ARMC10: variants seen among roughly 807,000 people sequenced by gnomAD.
ARMC10 encodes armadillo repeat-containing protein 10.
Under a neutral mutation model 30.2 loss-of-function variants are expected in ARMC10, and 23 were observed. The ratio of observed to expected loss-of-function variants is 0.76; its 90% CI spans 0.55 to 1.08. The LOEUF is 1.08. Ranked by LOEUF, ARMC10 falls within the 50% of genes least tolerant of loss-of-function variation. The pLI, the probability that ARMC10 is intolerant of heterozygous loss-of-function variation, is 0.00. For missense variants in ARMC10, 303 were observed against 413.7 expected (o/e 0.73, Z 2.32); for synonymous variants, 111 against 164.4 (o/e 0.68, Z 2.48).
chr7:103,075,543 T>C lies in ARMC10; in HGVS notation c.139+132T>C, dbSNP rs1437605875. On this transcript the variant is annotated intron_variant, in intron 1 of 6. Transcript: ENST00000323716. Reference sequence around the variant, plus strand: ...GAGGGAGAGGCAGTACTTGTGTGAGTGCAGGGTGCTGCGCCGCCCCCGCCG... The same window carrying C: ...GAGGGAGAGGCAGTACTTGTGTGAGCGCAGGGTGCTGCGCCGCCCCCGCCG... 5 of 1,066,092 alleles carry C rather than the reference T, an allele frequency of 4.7e-6. No individual in the cohort carries two copies. In the Admixed American group the frequency reaches 1.1e-4, roughly 24 times the overall value. The allele number at this position is 1,066,092 out of a possible 1,614,324, so 66.0% of individuals were successfully genotyped here. A position where few individuals can be genotyped will look rare whatever the true frequency, so the allele number is the denominator to read the frequency against.
chr7:103,087,138 A>G (rs1800930985), intron 4 of ARMC10, among the ~76,000 whole-genome samples: 1 of 152,226 alleles, frequency 6.6e-6, no homozygotes. Flanking sequence ...TTCAGGGAGC[A>G]TATCCGATGC....
At chr7:103,082,366 CTTAG>C (rs145030583) in intron 2 of ARMC10, among the ~76,000 whole-genome samples, 1,579 of 148,390 alleles carry the variant, frequency 0.011, 27 homozygotes, top group African/African-American at 0.036. Context: ...GAGCAATATA[CTTAG>C]TTATTTTAGT....
Position 103,083,702 on chromosome 7 carries a change from TATG to T in ARMC10, c.272_274del (p.Asp91del). On this transcript the variant is annotated inframe_deletion, in exon 3 of 7. Transcript: ENST00000323716. Reference sequence around the variant, plus strand: ...TGCAGAAGACTTAACTGATGGTTCATATGATGATGTTCTAAATGCTGAACAACT... The same window carrying T: ...TGCAGAAGACTTAACTGATGGTTCATATGATGTTCTAAATGCTGAACAACT... 1 of 1,612,992 alleles carries T rather than the reference TATG, an allele frequency of 6.2e-7. No individual in the cohort carries two copies. Among genetic ancestry groups the T allele is most frequent in the South Asian group, 1.1e-5 (1 of 91,056 alleles).
Position 103,099,419 on chromosome 7 carries a change from T to G in ARMC10, c.*866T>G. ...CCGGGAGGCAGAGGTTGCAGTGAGC[T>G]GAGATAGCGCCATTGCACTCCAGCC... On this transcript the variant is annotated 3_prime_UTR_variant, in exon 7 of 7. Transcript: ENST00000323716. 1 of 134,602 alleles carries G rather than the reference T, an allele frequency of 7.4e-6. No individual in the cohort carries two copies. Among genetic ancestry groups the G allele is most frequent in the Admixed American group, 8.0e-5 (1 of 12,470 alleles). 8.3% of individuals were successfully genotyped at this position (134,602 alleles called of 1,614,324 possible). A position where few individuals can be genotyped will look rare whatever the true frequency, so the allele number is the denominator to read the frequency against.
Position 103,075,896 on chromosome 7 carries a change from A to G in ARMC10, c.244+15A>G. 2 of 1,565,134 alleles carry G rather than the reference A, an allele frequency of 1.3e-6. No homozygotes were observed. The highest frequency in any genetic ancestry group is 1.7e-6 in the Non-Finnish European group (2 of 1,151,720). ...CTCGCAGCCTGGTGTGTGTTTTGGA[A>G]ATGGGAACAGTTGTCTGCGCGAGAC... On this transcript the variant is annotated intron_variant, in intron 2 of 6. Coordinates refer to ENST00000323716, the MANE Select transcript of ARMC10 (RefSeq NM_031905.5).
At chr7:103,083,637 C>G in intron 2 of ARMC10, 45 bp from the exon 3 acceptor site, 1 of 1,546,126 alleles carries the variant, frequency 6.5e-7, no homozygotes, top group South Asian at 1.1e-5. Context: ...AAAATAACCT[C>G]GTATTGATTT....
intron 2 of ARMC10, among the ~76,000 whole-genome samples, chr7:103,082,063 A>G (rs972128937): frequency 2.0e-5 from 3 of 152,054 alleles, no homozygotes; most frequent in Admixed American, 1.3e-4. Context: ...TTTCCGTTCT[A>G]AAAAGTTGTG....
At chr7:103,089,812 TTA>T (rs1384016701) in intron 4 of ARMC10, among the ~76,000 whole-genome samples, 1 of 152,166 alleles carries the variant, frequency 6.6e-6, no homozygotes, top group African/African-American at 2.4e-5. Flanking sequence ...TATTAGGAAA[TTA>T]TGTTATTTCA....
In ARMC10 at chr7:103,083,760, C is replaced by T. The variant is rs761785012; in HGVS notation, c.323C>T (p.Thr108Met). Reference protein sequence around the residue: ...LQKLLYLLESTEDPVIIERAL... With the variant: ...LQKLLYLLESMEDPVIIERAL... ...AAACTCCTTTACCTGCTGGAGTCAA[C>T]GGAGGATCCTGTAATTATTGAAAGA... Residue 108 changes from threonine (T) to methionine (M), a missense_variant, in exon 3 of 7, where the codon ACG (threonine) becomes ATG (methionine). Thr to Met is a moderately conservative substitution (Grantham distance 81). This residue lies in a region of ARMC10 where 170 missense variants were observed against 207.2 expected (regional missense o/e 0.82). Coordinates refer to ENST00000323716, the MANE Select transcript of ARMC10 (RefSeq NM_031905.5). 20 of 1,613,952 alleles carry T rather than the reference C, an allele frequency of 1.2e-5. 1 individual carries two copies. The Middle Eastern group carries it at 6.6e-4, about 53-fold the overall frequency.
chr7:103,092,741 GATTT>G (rs1801455451), intron 5 of ARMC10, 88 bp downstream of exon 5: 1 of 991,566 alleles, frequency 1.0e-6, no homozygotes, highest in African/African-American at 1.7e-5. Context: ...CAAAGAGGAA[GATTT>G]ATTAAAAACT....
chr7:103,092,144 A>G (rs1248951668), intron 4 of ARMC10, among the ~76,000 whole-genome samples: 1 of 152,090 alleles, frequency 6.6e-6, no homozygotes, highest in African/African-American at 2.4e-5. Context: ...CATCGTGGCT[A>G]ACATGGTGAA....
intron 4 of ARMC10, 46 bp from the exon 5 acceptor site, chr7:103,092,431 A>G: frequency 1.4e-6 from 2 of 1,472,998 alleles, no homozygotes; most frequent in Non-Finnish European, 9.2e-7. Flanking sequence ...TTCAGTAGAA[A>G]AATTTTGGAG....
intron 2 of ARMC10, among the ~76,000 whole-genome samples, chr7:103,081,091 G>A (rs566539625): frequency 1.3e-5 from 2 of 152,278 alleles, no homozygotes; most frequent in African/African-American, 4.8e-5. Context: ...AGGTACAAAA[G>A]TGCTTTGAGG....
intron 2 of ARMC10, chr7:103,083,082 TG>T: frequency 2.2e-6 from 1 of 456,786 alleles, no homozygotes; most frequent in Non-Finnish European, 4.4e-6. Context: ...GTTCATTGGA[TG>T]GGTGTACCTC....
chr7:103,079,946 C>T (rs191567039), intron 2 of ARMC10, among the ~76,000 whole-genome samples: 1 of 152,260 alleles, frequency 6.6e-6, no homozygotes, highest in Admixed American at 6.5e-5. Flanking sequence ...GATTCTGAAC[C>T]ATGACAGTTA....
chr7:103,080,286 G>C (rs1483587108), intron 2 of ARMC10, among the ~76,000 whole-genome samples: 2 of 152,208 alleles, frequency 1.3e-5, no homozygotes, highest in Non-Finnish European at 2.9e-5. Context: ...ATGGAGTGTT[G>C]CTCTGTCGCC....
chr7:103,094,745 A>C (rs1801626276), intron 5 of ARMC10, among the ~76,000 whole-genome samples: 1 of 152,212 alleles, frequency 6.6e-6, no homozygotes, highest in African/African-American at 2.4e-5. Flanking sequence ...GCACTAAAGA[A>C]GGGTCAGAAG....
At chr7:103,082,931 A>G in intron 2 of ARMC10, 1 of 378,818 alleles carries the variant, frequency 2.6e-6, no homozygotes, top group Non-Finnish European at 5.2e-6. Context: ...CCTAGTCATC[A>G]TGCCTTGTAT....
intron 3 of ARMC10, among the ~76,000 whole-genome samples, chr7:103,085,915 C>G (rs116405664): frequency 2.4e-4 from 37 of 152,056 alleles, no homozygotes; most frequent in African/African-American, 8.2e-4. Flanking sequence ...GCGCCTGGCC[C>G]TGGGTACCAT....
Sources: allele counts gnomAD v4.1 joint callset (sites outside exome capture counted in the v4.1 genomes callset), GRCh38; gene constraint gnomAD v4.1.1; regional missense constraint gnomAD v4.1.1; transcripts MANE v1.5; gene names NCBI Gene and HGNC (gene_info 2026-07-23, HGNC 2026-07-21).